Variants in LUZP2 observed in about 807,000 individuals in gnomAD.
The protein encoded by LUZP2 is leucine zipper protein 2.
In LUZP2, 52 loss-of-function variants were observed where a neutral mutation model predicts 51.6. The ratio of observed to expected loss-of-function variants is 1.01; its 90% CI spans 0.81 to 1.27. The LOEUF (loss-of-function observed/expected upper bound fraction) is 1.27. Among genes scored for constraint, LUZP2 ranks in the 50% most tolerant of loss-of-function variants. LUZP2 has a pLI of 0.00. For synonymous variants in LUZP2, 154 were observed against 137.3 expected (o/e 1.12, Z -0.85); for missense variants, 436 against 395.4 (o/e 1.10, Z -0.87).
intron 1 of LUZP2, among the ~76,000 whole-genome samples, chr11:24,574,158 C>G (rs957411081): frequency 6.7e-6 from 1 of 149,686 alleles, no homozygotes; most frequent in Non-Finnish European, 1.5e-5. Flanking sequence ...CTTCTTCCTT[C>G]TTTCAATTTT....
chr11:24,732,991 C>T (rs575829294), intron 3 of LUZP2, among the ~76,000 whole-genome samples: 1 of 151,530 alleles, frequency 6.6e-6, no homozygotes, highest in Non-Finnish European at 1.5e-5. Flanking sequence ...TCCACCTTAC[C>T]AGTTTGGCTC....
intron 5 of LUZP2, among the ~76,000 whole-genome samples, chr11:24,837,737 G>A (rs938792122): frequency 6.6e-6 from 1 of 151,548 alleles, no homozygotes; most frequent in Non-Finnish European, 1.5e-5. Context: ...TATATTTGGG[G>A]TTGCTTTAAG....
At chr11:25,018,290 C>G (rs1208194694) in intron 9 of LUZP2, among the ~76,000 whole-genome samples, 1 of 151,980 alleles carries the variant, frequency 6.6e-6, no homozygotes, top group East Asian at 1.9e-4. Context: ...TTTGGATGCC[C>G]TCTATTTCTT....
At chr11:24,837,155 A>T (rs1244649602) in intron 5 of LUZP2, among the ~76,000 whole-genome samples, 1 of 151,776 alleles carries the variant, frequency 6.6e-6, no homozygotes, top group African/African-American at 2.4e-5. Flanking sequence ...CATATATTAG[A>T]ATATATATGG....
intron 1 of LUZP2, among the ~76,000 whole-genome samples, chr11:24,544,101 C>T (rs1396844): frequency 0.43 from 64,728 of 151,412 alleles, 14,463 homozygotes; most frequent in African/African-American, 0.54. Context: ...ATTCCAACTT[C>T]CGGTGCTGAG....
chr11:24,502,583 A>G (rs970296018), intron 1 of LUZP2, among the ~76,000 whole-genome samples: 2 of 151,750 alleles, frequency 1.3e-5, no homozygotes, highest in African/African-American at 2.4e-5. Flanking sequence ...ATGGGGCTTC[A>G]CCATCTTGGC....
At chr11:24,528,206 A>G (rs978002393) in intron 1 of LUZP2, among the ~76,000 whole-genome samples, 21 of 151,268 alleles carry the variant, frequency 1.4e-4, no homozygotes, top group African/African-American at 5.1e-4. Flanking sequence ...AAGGGTTACT[A>G]GTTTCAGTAG....
chr11:24,926,903 A>ATT (rs528047556), intron 7 of LUZP2, among the ~76,000 whole-genome samples: 1 of 146,784 alleles, frequency 6.8e-6, no homozygotes, highest in Non-Finnish European at 1.5e-5. Context: ...ACCAACAACT[A>ATT]TTTTTTTTTT....
chr11:24,917,973 A>C (rs1853853862), intron 7 of LUZP2, among the ~76,000 whole-genome samples: 1 of 152,024 alleles, frequency 6.6e-6, no homozygotes, highest in East Asian at 1.9e-4. Context: ...ATGAGCATGG[A>C]ATGTTCTTCC....
chr11:24,920,074 A>T (rs1387027482), intron 7 of LUZP2, among the ~76,000 whole-genome samples: 1 of 151,702 alleles, frequency 6.6e-6, no homozygotes, highest in Non-Finnish European at 1.5e-5. Flanking sequence ...AAGTCACTTG[A>T]TTTTCTTTGC....
Position 24,683,682 on chromosome 11 carries a change from G to A in LUZP2, c.63-45487G>A, listed in dbSNP as rs1279966123. ...ATTTGCCTTTAACTAAGGAGATTTGGTTTATTTGACCTCATGGACATAATT... is the reference window on the plus strand; with the variant it reads ...ATTTGCCTTTAACTAAGGAGATTTGATTTATTTGACCTCATGGACATAATT... On this transcript the variant is annotated intron_variant, in intron 1 of 11. Transcript: ENST00000336930. 7.9e-5 allele frequency among the ~76,000 whole-genome samples: 12 copies of A among 152,058 alleles called. No homozygotes were observed. In the South Asian group the frequency reaches 1.9e-3, roughly 24 times the overall value.
In LUZP2 at chr11:25,068,472, G is replaced by C. The variant is rs75130082; in HGVS notation, c.859-8857G>C. Among the ~76,000 whole-genome samples, 1,054 of 151,814 alleles carry C rather than the reference G, an allele frequency of 6.9e-3. 34 individuals carry two copies. In the East Asian group the frequency reaches 0.099, roughly 14 times the overall value. On this transcript the variant is annotated intron_variant, in intron 10 of 11. Coordinates refer to ENST00000336930, the MANE Select transcript of LUZP2 (RefSeq NM_001009909.4). ...AAATGTTGCCAAGTTTCAACTTCTT[G>C]TCAGCCATATGAGAGAAGAAAAATG...
chr11:24,730,114 A>G (rs573893718), intron 2 of LUZP2, among the ~76,000 whole-genome samples: 8 of 151,322 alleles, frequency 5.3e-5, no homozygotes, highest in South Asian at 2.1e-4. Context: ...TAATAATGAT[A>G]ATGATGATGA....
chr11:24,692,358 G>A (rs1336483365), intron 1 of LUZP2, among the ~76,000 whole-genome samples: 1 of 151,954 alleles, frequency 6.6e-6, no homozygotes, highest in African/African-American at 2.4e-5. Flanking sequence ...AAACAAATAA[G>A]TCACAAGCAG....
Position 25,080,222 on chromosome 11 carries a change from G to A in LUZP2, c.*1564G>A, listed in dbSNP as rs1002921491. ...AATTTTGTTATTTTTTGGAGGGCTA[G>A]TGATACATGGTCCATGAAATATTCA... is the stretch of plus-strand genomic sequence containing the variant. On this transcript the variant is annotated 3_prime_UTR_variant, in exon 12 of 12. Coordinates refer to ENST00000336930, the MANE Select transcript of LUZP2 (RefSeq NM_001009909.4). 2.0e-5 allele frequency: 3 copies of A among 152,102 alleles called. No individual in the cohort carries two copies. Among genetic ancestry groups the A allele is most frequent in the Non-Finnish European group, 4.4e-5 (3 of 68,022 alleles). 9.4% of individuals were successfully genotyped at this position (152,102 alleles called of 1,614,324 possible). A position where few individuals can be genotyped will look rare whatever the true frequency, so the allele number is the denominator to read the frequency against.
intron 1 of LUZP2, among the ~76,000 whole-genome samples, chr11:24,592,164 C>G (rs1489426375): frequency 6.6e-6 from 1 of 152,192 alleles, no homozygotes; most frequent in Non-Finnish European, 1.5e-5. Flanking sequence ...CAAACACTAA[C>G]TACCTTAACT....
chr11:24,550,055 A>G (rs949401928), intron 1 of LUZP2, among the ~76,000 whole-genome samples: 1 of 152,052 alleles, frequency 6.6e-6, no homozygotes, highest in Non-Finnish European at 1.5e-5. Context: ...ATTCTTAGAA[A>G]TATTCCTACA....
At chr11:24,699,064 A>G (rs1857337583) in intron 1 of LUZP2, among the ~76,000 whole-genome samples, 1 of 149,172 alleles carries the variant, frequency 6.7e-6, no homozygotes, top group African/African-American at 2.5e-5. Context: ...CTGAAAATAA[A>G]TAAATGAAAA....
At chr11:24,774,491 AAGAATATATAT>A (rs1848855618) in intron 5 of LUZP2, among the ~76,000 whole-genome samples, 58 of 124,612 alleles carry the variant, frequency 4.7e-4, no homozygotes, top group African/African-American at 1.2e-3. Flanking sequence ...TATATATATA[AAGAATATATAT>A]AGAATATATT....
Sources: gnomAD v4.1 joint callset for allele counts (sites outside exome capture counted in the v4.1 genomes callset) on GRCh38, gnomAD v4.1.1 for gene constraint, MANE v1.5 for transcripts, NCBI Gene and HGNC (gene_info 2026-07-23, HGNC 2026-07-21) for gene names.